Variants in SKIC3 observed in about 807,000 individuals in gnomAD.
The protein encoded by SKIC3 is superkiller complex protein 3.
At chr5:95,550,414 A>C in the SKIC3 span, among the ~76,000 whole-genome samples, 97 of 151,768 alleles carry the variant, frequency 6.4e-4, no homozygotes, top group Middle Eastern at 6.8e-3. Context: ...AAAAAAAACG[A>C]TATCTTTAAA....
the SKIC3 span, among the ~76,000 whole-genome samples, chr5:95,554,387 C>A: frequency 6.6e-6 from 1 of 152,152 alleles, no homozygotes; most frequent in African/African-American, 2.4e-5. Flanking sequence ...TCTTCCAGAA[C>A]TCTCCAAAGG....
At chr5:95,549,287 T>G in the SKIC3 span, among the ~76,000 whole-genome samples, 1 of 151,974 alleles carries the variant, frequency 6.6e-6, no homozygotes, top group East Asian at 1.9e-4. Context: ...AAAGCCAGGC[T>G]GAATGGATCA....
chr5:95,478,923 T>C, the SKIC3 span, among the ~76,000 whole-genome samples: 1 of 152,134 alleles, frequency 6.6e-6, no homozygotes, highest in African/African-American at 2.4e-5. Flanking sequence ...AGTAATGAAA[T>C]AGTCAATGCT....
chr5:95,542,420 G>A, the SKIC3 span, among the ~76,000 whole-genome samples: 1 of 152,200 alleles, frequency 6.6e-6, no homozygotes, highest in African/African-American at 2.4e-5. Context: ...ACCACTGGTG[G>A]CGGGGGAGGC....
chr5:95,464,670 G>T, the SKIC3 span: 1 of 1,612,954 alleles, frequency 6.2e-7, no homozygotes. Flanking sequence ...TTTTGGCATT[G>T]TTTACCAGCA....
chr5:95,529,779 CCTCCCTCCCTCT>C, the SKIC3 span, among the ~76,000 whole-genome samples: 1 of 149,968 alleles, frequency 6.7e-6, no homozygotes, highest in Non-Finnish European at 1.5e-5. Flanking sequence ...TCCCTCCCTC[CCTCCCTCCCTCT>C]CCCTCCCAAT....
the SKIC3 span, among the ~76,000 whole-genome samples, chr5:95,492,928 A>G: frequency 6.6e-6 from 1 of 152,126 alleles, no homozygotes; most frequent in South Asian, 2.1e-4. Flanking sequence ...TCTTCCATAG[A>G]TAACCAGCAA....
At chr5:95,517,474 A>C in the SKIC3 span, 1 of 885,382 alleles carries the variant, frequency 1.1e-6, no homozygotes, top group East Asian at 2.7e-5. Context: ...CCCTAATAGG[A>C]AGGGAAGAAG....
the SKIC3 span, among the ~76,000 whole-genome samples, chr5:95,501,491 T>C: frequency 6.6e-6 from 1 of 152,126 alleles, no homozygotes; most frequent in East Asian, 1.9e-4. Context: ...GGAACTGAAC[T>C]TTTTCATAGA....
the SKIC3 span, among the ~76,000 whole-genome samples, chr5:95,488,232 A>G: frequency 1.3e-5 from 2 of 152,194 alleles, no homozygotes; most frequent in African/African-American, 2.4e-5. Flanking sequence ...CAAAAAGAAA[A>G]CATAATTATT....
chr5:95,511,484 G>A, the SKIC3 span, among the ~76,000 whole-genome samples: 1 of 152,070 alleles, frequency 6.6e-6, no homozygotes, highest in Non-Finnish European at 1.5e-5. Flanking sequence ...CCACCCTAAG[G>A]CAAACCCCCC....
chr5:95,467,730 A>C, the SKIC3 span: 1 of 1,254,488 alleles, frequency 8.0e-7, no homozygotes, highest in South Asian at 1.5e-5. Context: ...CCAAAAAATT[A>C]CACACTCAGT....
At chr5:95,523,843 T>C in the SKIC3 span, 1 of 1,611,330 alleles carries the variant, frequency 6.2e-7, no homozygotes, top group Non-Finnish European at 8.5e-7. Flanking sequence ...GCCTTTGAAA[T>C]AAATATTGAT....
At chr5:95,479,222 C>A in the SKIC3 span, among the ~76,000 whole-genome samples, 1 of 152,008 alleles carries the variant, frequency 6.6e-6, no homozygotes, top group Non-Finnish European at 1.5e-5. Context: ...AGAACAACAA[C>A]AAAAAATACC....
the SKIC3 span, among the ~76,000 whole-genome samples, chr5:95,516,036 T>C: frequency 3.3e-5 from 5 of 152,152 alleles, no homozygotes; most frequent in African/African-American, 1.2e-4. Flanking sequence ...ACTATCTACA[T>C]AGGACTTCTC....
the SKIC3 span, among the ~76,000 whole-genome samples, chr5:95,505,738 C>T: frequency 1.3e-5 from 2 of 151,248 alleles, no homozygotes; most frequent in Non-Finnish European, 2.9e-5. Flanking sequence ...TCTTGAACCC[C>T]AGAGGTGGAG....
chr5:95,511,184 G>A, the SKIC3 span, among the ~76,000 whole-genome samples: 18 of 152,222 alleles, frequency 1.2e-4, no homozygotes, highest in African/African-American at 4.1e-4. Context: ...TCCGAGGCGG[G>A]TGGATCACCA....
At chr5:95,516,442 G>C in the SKIC3 span, 1 of 1,612,432 alleles carries the variant, frequency 6.2e-7, no homozygotes, top group Non-Finnish European at 8.5e-7. Context: ...TCTTAAAATA[G>C]GCCCCTTGTC....
chr5:95,524,885 T>A, the SKIC3 span, among the ~76,000 whole-genome samples: 1 of 150,502 alleles, frequency 6.6e-6, no homozygotes, highest in African/African-American at 2.4e-5. Flanking sequence ...CTGATTAGAT[T>A]TTTTTTTTTA....
Sources: gnomAD v4.1 joint callset for allele counts (sites outside exome capture counted in the v4.1 genomes callset) on GRCh38, gnomAD v4.1.1 for gene constraint, MANE v1.5 for transcripts, NCBI Gene and HGNC (gene_info 2026-07-23, HGNC 2026-07-21) for gene names.